The following BMPR2 variants were observed in gnomAD, a reference collection of about 807,000 sequenced individuals.
The protein encoded by BMPR2 is bone morphogenetic protein receptor type-2.
In BMPR2, 29 loss-of-function variants were observed where a neutral mutation model predicts 100.8. The observed-to-expected ratio is 0.29, with a 90% CI of 0.21 to 0.39. The LOEUF is 0.39. Ranked by LOEUF, BMPR2 falls within the 10% of genes least tolerant of loss-of-function variation. The pLI, the probability that BMPR2 is intolerant of heterozygous loss-of-function variation, is 1.00. For synonymous variants in BMPR2, 382 were observed against 442.3 expected, an observed-to-expected ratio of 0.86 and a Z score of 1.71; for missense variants, 1,011 against 1,274.5, an observed-to-expected ratio of 0.79 and a Z score of 3.15.
rs748109981 is a variant in BMPR2, at chr2:202,555,423, A to C, written c.1758A>C (p.Ser586=). 2 of 1,614,198 alleles carry C rather than the reference A, an allele frequency of 1.2e-6. No homozygotes were observed. The highest frequency in any genetic ancestry group is 1.7e-6 in the Non-Finnish European group (2 of 1,180,036). The change falls in exon 12 of 13, where the codon TCA becomes TCC. Residue 586 remains serine (S), a synonymous_variant. Transcript: ENST00000374580. ...PLTIGEKNRN[S]INYERQQAQA... ...CTATAGGGGAAAAAAACCGAAATTC[A>C]ATTAACTATGAACGACAGCAAGCAC...
chr2:202,443,298 A>G (rs1260465222), intron 1 of BMPR2, among the ~76,000 whole-genome samples: 1 of 150,764 alleles, frequency 6.6e-6, no homozygotes, highest in Non-Finnish European at 1.5e-5. Context: ...TCTTTTATAC[A>G]GTGGGAAAAC....
intron 1 of BMPR2, among the ~76,000 whole-genome samples, chr2:202,443,797 A>G (rs1310940112): frequency 6.6e-6 from 1 of 150,436 alleles, no homozygotes; most frequent in African/African-American, 2.5e-5. Context: ...TGGAAGATAT[A>G]TTACCTTGTA....
intron 1 of BMPR2, among the ~76,000 whole-genome samples, chr2:202,392,556 T>A (rs538192286): frequency 6.6e-6 from 1 of 152,348 alleles, no homozygotes; most frequent in South Asian, 2.1e-4. Context: ...TGTGTCATGG[T>A]AAGTAGGTGA....
intron 3 of BMPR2, among the ~76,000 whole-genome samples, chr2:202,489,682 C>T (rs1033773663): frequency 6.6e-6 from 1 of 152,108 alleles, no homozygotes; most frequent in African/African-American, 2.4e-5. Flanking sequence ...GTTAAAAATT[C>T]ATTTTATAGT....
At chr2:202,520,024 CTCT>C (rs1687791879) in intron 6 of BMPR2, 60 bp from the exon 7 acceptor site, 2 of 1,044,484 alleles carry the variant, frequency 1.9e-6, no homozygotes, top group East Asian at 4.8e-5. Flanking sequence ...TGCTAATTTA[CTCT>C]TCATGTTAAA....
intron 1 of BMPR2, among the ~76,000 whole-genome samples, chr2:202,440,309 CA>C (rs1691710504): frequency 6.8e-6 from 1 of 148,034 alleles, no homozygotes; most frequent in African/African-American, 2.6e-5. Flanking sequence ...AGGGCAGACA[CA>C]CTCCTCAGTT....
chr2:202,440,194 C>T (rs1691703855), intron 1 of BMPR2, among the ~76,000 whole-genome samples: 1 of 150,784 alleles, frequency 6.6e-6, no homozygotes, highest in African/African-American at 2.5e-5. Flanking sequence ...TCGACAAAAC[C>T]GCCATCCTCA....
At chr2:202,399,647 C>G (rs1690725698) in intron 1 of BMPR2, among the ~76,000 whole-genome samples, 1 of 152,140 alleles carries the variant, frequency 6.6e-6, no homozygotes, top group African/African-American at 2.4e-5. Context: ...AGAGGGGAGG[C>G]ATAGGAAAAA....
At chr2:202,465,146 G>A (rs762796618) in intron 2 of BMPR2, among the ~76,000 whole-genome samples, 167 bp downstream of exon 2, 1 of 152,120 alleles carries the variant, frequency 6.6e-6, no homozygotes, top group Non-Finnish European at 1.5e-5. Context: ...AGCACTTTTC[G>A]AGGCTGAGGT....
chr2:202,385,341 TTCTAATTAAAAAAAAGATGC>T (rs1690403906), intron 1 of BMPR2, among the ~76,000 whole-genome samples: 1 of 147,652 alleles, frequency 6.8e-6, no homozygotes, highest in Admixed American at 6.8e-5. Flanking sequence ...GTATGTTTTC[TTCTAATTAAAAAAAAGATGC>T]TTTTTTTTTT....
chr2:202,430,334 T>C (rs576554102), intron 1 of BMPR2, among the ~76,000 whole-genome samples: 1 of 152,344 alleles, frequency 6.6e-6, no homozygotes, highest in African/African-American at 2.4e-5. Flanking sequence ...TACAGTCTTT[T>C]TGTTTTATGA....
At chr2:202,400,345 T>C (rs1451863534) in intron 1 of BMPR2, among the ~76,000 whole-genome samples, 4 of 148,366 alleles carry the variant, frequency 2.7e-5, no homozygotes, top group Non-Finnish European at 4.4e-5. Context: ...AGACAACGTC[T>C]CGCTATGTTG....
chr2:202,493,597 C>A (rs1181012260), intron 3 of BMPR2, among the ~76,000 whole-genome samples: 5 of 151,790 alleles, frequency 3.3e-5, no homozygotes, highest in African/African-American at 9.7e-5. Context: ...TTAATTCATT[C>A]TTTAATAAAA....
At chr2:202,475,909 A>T (rs996038455) in intron 3 of BMPR2, among the ~76,000 whole-genome samples, 9 of 136,328 alleles carry the variant, frequency 6.6e-5, no homozygotes, top group African/African-American at 2.9e-4. Flanking sequence ...CGTCTCTACT[A>T]AAAAAAAATG....
chr2:202,513,279 T>C (rs1687656187), intron 3 of BMPR2, among the ~76,000 whole-genome samples: 1 of 152,144 alleles, frequency 6.6e-6, no homozygotes, highest in Admixed American at 6.6e-5. Context: ...CCAGATAATA[T>C]ATTCTTGACG....
intron 3 of BMPR2, among the ~76,000 whole-genome samples, chr2:202,506,887 C>T (rs1354583421): frequency 1.3e-5 from 2 of 151,384 alleles, no homozygotes; most frequent in Non-Finnish European, 2.9e-5. Flanking sequence ...GTGACAAGAG[C>T]GAAACTCTGT....
At chr2:202,486,757 G>A (rs1171439397) in intron 3 of BMPR2, among the ~76,000 whole-genome samples, 1 of 152,154 alleles carries the variant, frequency 6.6e-6, no homozygotes, top group Non-Finnish European at 1.5e-5. Context: ...TGGGCATGGT[G>A]GTTTACACCT....
chr2:202,383,342 T>C (rs2105896652), intron 1 of BMPR2, among the ~76,000 whole-genome samples: 1 of 152,104 alleles, frequency 6.6e-6, no homozygotes, highest in Non-Finnish European at 1.5e-5. Context: ...AGGTCAGGAG[T>C]TTGAGACCAG....
At chr2:202,507,494 G>C (rs937538750) in intron 3 of BMPR2, among the ~76,000 whole-genome samples, 2 of 152,066 alleles carry the variant, frequency 1.3e-5, no homozygotes, top group Non-Finnish European at 2.9e-5. Context: ...GGCATGAGCA[G>C]TCCTCCTGCC....
Sources: allele counts gnomAD v4.1 joint callset (sites outside exome capture counted in the v4.1 genomes callset), GRCh38; gene constraint gnomAD v4.1.1; transcripts MANE v1.5; gene names NCBI Gene and HGNC (gene_info 2026-07-23, HGNC 2026-07-21).